GRK5: variants seen among roughly 807,000 people sequenced by gnomAD.
GRK5 encodes the protein g protein-coupled receptor kinase GRK5.
Under a neutral mutation model 78.4 loss-of-function variants are expected in GRK5, and 40 were observed. That is an observed-to-expected ratio of 0.51 (90% CI 0.40 to 0.66). The LOEUF (loss-of-function observed/expected upper bound fraction) is 0.66, where lower values mean the gene tolerates loss of function less well. Ranked by LOEUF, GRK5 falls within the 30% of genes least tolerant of loss-of-function variation. The probability of loss-of-function intolerance (pLI) is 0.00; values close to 1 mark genes in which losing one functional copy is unlikely to be tolerated. For synonymous variants in GRK5, 289 were observed against 296.8 expected, an observed-to-expected ratio of 0.97 and a Z score of 0.27; for missense variants, 598 against 759.9, an observed-to-expected ratio of 0.79 and a Z score of 2.50.
chr10:119,380,126 T>C (rs949731716), intron 2 of GRK5, among the ~76,000 whole-genome samples: 2 of 152,206 alleles, frequency 1.3e-5, no homozygotes, highest in Non-Finnish European at 2.9e-5. Flanking sequence ...ATGCTTTGAA[T>C]TAGAAGTAAT....
chr10:119,360,381 G>GT (rs1376061215), intron 2 of GRK5, among the ~76,000 whole-genome samples: 1 of 152,258 alleles, frequency 6.6e-6, no homozygotes, highest in Non-Finnish European at 1.5e-5. Context: ...GAGGCGCTTA[G>GT]TGGGTGGCTT....
chr10:119,225,727 A>G (rs1276399169), intron 1 of GRK5, among the ~76,000 whole-genome samples: 9 of 143,180 alleles, frequency 6.3e-5, no homozygotes, highest in Admixed American at 2.8e-4. Flanking sequence ...CTGGAGTGCA[A>G]TGGCGCGATC....
At chr10:119,416,885 C>T (rs999084662) in intron 4 of GRK5, among the ~76,000 whole-genome samples, 11 of 152,234 alleles carry the variant, frequency 7.2e-5, no homozygotes, top group Non-Finnish European at 8.8e-5. Flanking sequence ...TGAGCCACCG[C>T]ACCTGGCTGA....
intron 2 of GRK5, chr10:119,377,829 T>C (rs760953707): frequency 1.9e-5 from 3 of 154,192 alleles, no homozygotes; most frequent in Non-Finnish European, 1.5e-5. Context: ...ATAAGCAGCA[T>C]GGTGCTCTCT....
At chr10:119,326,386 GGT>G in intron 1 of GRK5, 128 bp from the exon 2 acceptor site, 1 of 687,444 alleles carries the variant, frequency 1.5e-6, no homozygotes. Flanking sequence ...TTGGGCTGGG[GGT>G]GTGTCACTGG....
At chr10:119,222,561 A>AT (rs753756180) in intron 1 of GRK5, among the ~76,000 whole-genome samples, 2 of 152,150 alleles carry the variant, frequency 1.3e-5, no homozygotes, top group Non-Finnish European at 2.9e-5. Flanking sequence ...GAAAACGCCC[A>AT]TTAAAAACAG....
intron 1 of GRK5, among the ~76,000 whole-genome samples, chr10:119,242,920 CGG>C (rs758290278): frequency 5.9e-5 from 9 of 152,040 alleles, no homozygotes; most frequent in Non-Finnish European, 1.2e-4. Context: ...TACCCAGTCT[CGG>C]GCAGTTCTTA....
rs10578557 is a variant in GRK5, at chr10:119,411,842, C to CTTTTTTTTTTTTTTTTTTTTTT, written c.340-11319_340-11298dup. Among the ~76,000 whole-genome samples, 28 of 95,982 alleles carry CTTTTTTTTTTTTTTTTTTTTTT rather than the reference C, an allele frequency of 2.9e-4. 7 individuals are homozygous for CTTTTTTTTTTTTTTTTTTTTTT. The highest frequency in any genetic ancestry group is 8.3e-4 in the South Asian group (2 of 2,410). 63.0% of individuals were successfully genotyped at this position (95,982 alleles called of 152,430 possible). A position where few individuals can be genotyped will look rare whatever the true frequency, so the allele number is the denominator to read the frequency against. On this transcript the variant is annotated intron_variant, in intron 4 of 15. Coordinates refer to ENST00000392870, the MANE Select transcript of GRK5 (RefSeq NM_005308.3). ...CCTCAGCTTCATTGCAGATCTGCTT[C>CTTTTTTTTTTTTTTTTTTTTTT]TTTTTTTTTTTTTTTTTTTTTTTTT...
intron 1 of GRK5, among the ~76,000 whole-genome samples, chr10:119,320,305 G>T (rs959289601): frequency 6.6e-6 from 1 of 152,380 alleles, no homozygotes; most frequent in East Asian, 1.9e-4. Context: ...CCACGGGTCC[G>T]CTATCAGCAC....
At chr10:119,450,784 G>A (rs973453995) in intron 13 of GRK5, among the ~76,000 whole-genome samples, 3 of 152,088 alleles carry the variant, frequency 2.0e-5, no homozygotes, top group Non-Finnish European at 4.4e-5. Flanking sequence ...GCAGCCCACC[G>A]GTGCCCTCCT....
chr10:119,341,167 T>C (rs951083120), intron 2 of GRK5, among the ~76,000 whole-genome samples: 1 of 152,198 alleles, frequency 6.6e-6, no homozygotes, highest in Non-Finnish European at 1.5e-5. Context: ...TCCTTGTCCC[T>C]GCCTGAACTC....
chr10:119,282,368 C>T (rs1849776288), intron 1 of GRK5, among the ~76,000 whole-genome samples: 1 of 152,226 alleles, frequency 6.6e-6, no homozygotes, highest in Non-Finnish European at 1.5e-5. Flanking sequence ...GGATGGGAGA[C>T]ACTTCTCTGG....
chr10:119,251,892 G>A (rs893753271), intron 1 of GRK5, among the ~76,000 whole-genome samples: 7 of 152,158 alleles, frequency 4.6e-5, no homozygotes, highest in African/African-American at 1.7e-4. Flanking sequence ...CGATTTTGGT[G>A]GTCTAGAATT....
intron 1 of GRK5, among the ~76,000 whole-genome samples, chr10:119,228,837 C>T (rs1848782907): frequency 6.6e-6 from 1 of 151,974 alleles, no homozygotes; most frequent in Admixed American, 6.6e-5. Context: ...AAATAAAATC[C>T]TTAAAGAAAA....
intron 4 of GRK5, among the ~76,000 whole-genome samples, chr10:119,421,126 C>T (rs1435136911): frequency 6.6e-6 from 1 of 152,226 alleles, no homozygotes; most frequent in African/African-American, 2.4e-5. Flanking sequence ...CACATTGTAT[C>T]GTCTTGCTCA....
intron 2 of GRK5, among the ~76,000 whole-genome samples, chr10:119,337,618 C>A (rs990921186): frequency 6.6e-6 from 1 of 151,946 alleles, no homozygotes; most frequent in African/African-American, 2.4e-5. Context: ...TTCCCCCCCA[C>A]TTTTTTCTCT....
At chr10:119,297,926 C>T (rs1229162740) in intron 1 of GRK5, among the ~76,000 whole-genome samples, 1 of 152,216 alleles carries the variant, frequency 6.6e-6, no homozygotes, top group Non-Finnish European at 1.5e-5. Flanking sequence ...GATCTCTGAG[C>T]AGCATTTGAA....
chr10:119,366,472 C>T (rs1461895760), intron 2 of GRK5, among the ~76,000 whole-genome samples: 1 of 152,168 alleles, frequency 6.6e-6, no homozygotes, highest in Non-Finnish European at 1.5e-5. Flanking sequence ...ACATGTGGTG[C>T]AGCTCACAGA....
At chr10:119,435,424 T>G (rs1852901894) in intron 8 of GRK5, among the ~76,000 whole-genome samples, 2 of 152,238 alleles carry the variant, frequency 1.3e-5, no homozygotes, top group Non-Finnish European at 2.9e-5. Flanking sequence ...CTTTGTTGCT[T>G]AGAAATTTCT....
Sources: gnomAD v4.1 joint callset for allele counts (sites outside exome capture counted in the v4.1 genomes callset) on GRCh38, gnomAD v4.1.1 for gene constraint, MANE v1.5 for transcripts, NCBI Gene and HGNC (gene_info 2026-07-23, HGNC 2026-07-21) for gene names.